NRXN3: variants seen among roughly 807,000 people sequenced by gnomAD.
NRXN3 encodes neurexin III.
NRXN3 carries 32 observed loss-of-function variants against 137.6 expected under a neutral mutation model. The observed-to-expected ratio is 0.23, with a 90% CI of 0.18 to 0.31. The LOEUF (loss-of-function observed/expected upper bound fraction) is 0.31. Among genes scored for constraint, NRXN3 ranks in the 10% least tolerant of loss-of-function variants. NRXN3 has a pLI of 1.00. For synonymous variants in NRXN3, 798 were observed against 784.5 expected (o/e 1.02, Z -0.29); for missense variants, 1,574 against 2,062.5 (o/e 0.76, Z 4.59).
chr14:78,434,792 G>A (rs958653950), intron 4 of NRXN3, among the ~76,000 whole-genome samples: 1 of 152,176 alleles, frequency 6.6e-6, no homozygotes, highest in Admixed American at 6.5e-5. Flanking sequence ...TCAATGGGTT[G>A]CAAGTGAACA....
At chr14:78,679,327 G>A (rs1411035105) in intron 6 of NRXN3, among the ~76,000 whole-genome samples, 1 of 152,072 alleles carries the variant, frequency 6.6e-6, no homozygotes, top group Non-Finnish European at 1.5e-5. Flanking sequence ...GGACCATATG[G>A]TTGATCTACC....
intron 4 of NRXN3, among the ~76,000 whole-genome samples, chr14:78,398,661 G>A (rs999597184): frequency 3.3e-5 from 5 of 152,144 alleles, no homozygotes; most frequent in Non-Finnish European, 7.3e-5. Context: ...TGATAATGGT[G>A]GAATTGCCTC....
intron 8 of NRXN3, among the ~76,000 whole-genome samples, chr14:78,738,461 C>G (rs1233009274): frequency 6.6e-6 from 1 of 152,168 alleles, no homozygotes; most frequent in East Asian, 1.9e-4. Flanking sequence ...ATTTACCTCT[C>G]AGACCCCACC....
chr14:78,497,876 G>A (rs1284969831), intron 4 of NRXN3, among the ~76,000 whole-genome samples: 1 of 152,150 alleles, frequency 6.6e-6, no homozygotes, highest in Non-Finnish European at 1.5e-5. Flanking sequence ...TCGAAGAGTT[G>A]TTATAAGGAT....
chr14:78,264,938 G>A (rs1279994972), intron 2 of NRXN3, among the ~76,000 whole-genome samples: 4 of 152,166 alleles, frequency 2.6e-5, no homozygotes, highest in Admixed American at 6.5e-5. Flanking sequence ...ACCCCACTGT[G>A]TGATAGTTAA....
At chr14:79,623,768 C>T (rs1300424005) in intron 16 of NRXN3, among the ~76,000 whole-genome samples, 2 of 151,320 alleles carry the variant, frequency 1.3e-5, no homozygotes, top group Non-Finnish European at 2.9e-5. Context: ...AAGAGGGAAA[C>T]TCATAATTTG....
At chr14:78,283,539 G>T (rs1243941338) in intron 3 of NRXN3, among the ~76,000 whole-genome samples, 2 of 147,720 alleles carry the variant, frequency 1.4e-5, no homozygotes, top group Non-Finnish European at 3.0e-5. Flanking sequence ...ATGGAGTTTC[G>T]CTCTTGTCAC....
chr14:79,315,107 T>G (rs1044025892), intron 15 of NRXN3, among the ~76,000 whole-genome samples: 3 of 152,194 alleles, frequency 2.0e-5, no homozygotes, highest in Admixed American at 2.0e-4. Context: ...ATTTCCCTCA[T>G]TGTACTTCTT....
chr14:79,145,412 A>G lies in NRXN3; in HGVS notation c.3262+157271A>G, dbSNP rs2059212018. Among the ~76,000 whole-genome samples, 3 of 152,152 alleles carry G rather than the reference A, an allele frequency of 2.0e-5. No homozygotes were observed. The South Asian group carries it at 6.2e-4, about 31-fold the overall frequency. ...CACTTAGTTCTACAATCTCTAGTCC[A>G]CTTTTGATACTCAGAATAGATAGTA... is the stretch of plus-strand genomic sequence containing the variant. On this transcript the variant is annotated intron_variant, in intron 15 of 20. Coordinates refer to ENST00000335750, the MANE Select transcript of NRXN3 (RefSeq NM_001330195.2).
intron 6 of NRXN3, among the ~76,000 whole-genome samples, chr14:78,673,743 TC>T (rs755399787): frequency 9.2e-5 from 14 of 152,108 alleles, no homozygotes; most frequent in Non-Finnish European, 1.5e-4. Flanking sequence ...CTAATCCCAC[TC>T]ATGAGGGCTC....
intron 16 of NRXN3, among the ~76,000 whole-genome samples, chr14:79,480,789 G>T (rs2096600359): frequency 6.6e-6 from 1 of 152,032 alleles, no homozygotes; most frequent in Admixed American, 6.6e-5. Flanking sequence ...AGATCTGGTT[G>T]TGTAAAAGTG....
intron 4 of NRXN3, among the ~76,000 whole-genome samples, chr14:78,562,602 A>C (rs1162670081): frequency 1.3e-5 from 2 of 152,036 alleles, no homozygotes; most frequent in Admixed American, 1.3e-4. Context: ...GAGGCAAGAA[A>C]GAGGCCCAGG....
At chr14:79,347,113 G>T (rs990201466) in intron 15 of NRXN3, among the ~76,000 whole-genome samples, 2 of 152,090 alleles carry the variant, frequency 1.3e-5, no homozygotes, top group Non-Finnish European at 2.9e-5. Context: ...GCGTGGCCAT[G>T]CTTGTCCCCC....
chr14:79,731,714 G>A (rs1353560060), intron 19 of NRXN3, among the ~76,000 whole-genome samples: 1 of 148,736 alleles, frequency 6.7e-6, no homozygotes, highest in Non-Finnish European at 1.5e-5. Context: ...TTGAACACCT[G>A]ACCTCGTGAT....
chr14:78,308,792 C>A (rs2077633355), intron 4 of NRXN3, among the ~76,000 whole-genome samples: 1 of 151,908 alleles, frequency 6.6e-6, no homozygotes, highest in South Asian at 2.1e-4. Context: ...GTCTTTCAAG[C>A]AATAAAGAAA....
chr14:79,311,683 A>G (rs1452046555), intron 15 of NRXN3, among the ~76,000 whole-genome samples: 1 of 113,142 alleles, frequency 8.8e-6, no homozygotes, highest in African/African-American at 3.3e-5. Flanking sequence ...GTGTCGAGGA[A>G]TGTATCCATT....
Position 79,230,194 on chromosome 14 carries a change from G to A in NRXN3, c.3263-237027G>A, listed in dbSNP as rs189309757. Among the ~76,000 whole-genome samples, 12 of 152,090 alleles carry A rather than the reference G, an allele frequency of 7.9e-5. No individual in the cohort carries two copies. In the East Asian group the frequency reaches 2.3e-3, roughly 29 times the overall value. ...ATATTTCATTTTTTTTTCTCCAAAGGGAACTTAGGGTAGATTTCTTGGGTA... is the reference window on the plus strand; with the variant it reads ...ATATTTCATTTTTTTTTCTCCAAAGAGAACTTAGGGTAGATTTCTTGGGTA... On this transcript the variant is annotated intron_variant, in intron 15 of 20. Transcript: ENST00000335750.
chr14:79,684,057 G>A (rs1420296484), intron 17 of NRXN3, among the ~76,000 whole-genome samples: 2 of 151,872 alleles, frequency 1.3e-5, no homozygotes, highest in Admixed American at 1.3e-4. Context: ...TCCTATTCAG[G>A]GACTAGAATG....
chr14:79,293,801 C>A lies in NRXN3; in HGVS notation c.3263-173420C>A, dbSNP rs993301885. ...GTCTCCTGCTTTCTCTCTGCCCCAG[C>A]AGCCTAGAGGGGAAATTCAGCATGC... On this transcript the variant is annotated intron_variant, in intron 15 of 20. Coordinates refer to ENST00000335750, the MANE Select transcript of NRXN3 (RefSeq NM_001330195.2). Among the ~76,000 whole-genome samples the A allele has an allele frequency of 2.6e-5, 4 of 152,254 alleles. No individual in the cohort carries two copies. In the East Asian group the frequency reaches 7.7e-4, roughly 29 times the overall value.
Sources: gnomAD v4.1 joint callset for allele counts (sites outside exome capture counted in the v4.1 genomes callset) on GRCh38, gnomAD v4.1.1 for gene constraint, MANE v1.5 for transcripts, NCBI Gene and HGNC (gene_info 2026-07-23, HGNC 2026-07-21) for gene names.